PIWIL1: variants seen among roughly 807,000 people sequenced by gnomAD.
PIWIL1 encodes the protein piwi like RNA-mediated gene silencing 1.
PIWIL1 carries 73 observed loss-of-function variants against 114.4 expected under a neutral mutation model. The ratio of observed to expected loss-of-function variants is 0.64; its 90% CI spans 0.53 to 0.78. The LOEUF (loss-of-function observed/expected upper bound fraction) is 0.78, where lower values mean the gene tolerates loss of function less well. PIWIL1 is among the 30% of genes least tolerant of loss of function. The pLI is 0.00. For synonymous variants in PIWIL1, 375 were observed against 369.0 expected, an observed-to-expected ratio of 1.02 and a Z score of -0.19; for missense variants, 723 against 1,063.1, an observed-to-expected ratio of 0.68 and a Z score of 4.45.
At chr12:130,398,242 TC>T in the PIWIL1 span, 1 of 152,214 alleles carries the variant, frequency 6.6e-6, no homozygotes, top group African/African-American at 2.4e-5. Context: ...CAGGACGACT[TC>T]ACCTCGCTTC....
At chr12:130,360,341 C>A (rs7978717) in intron 14 of PIWIL1, among the ~76,000 whole-genome samples, 108,922 of 152,148 alleles carry the variant, frequency 0.72, 40,522 homozygotes, top group East Asian at 0.83. Context: ...CAATGAGTTA[C>A]AAGCTGGATT....
chr12:130,361,245 A>G lies in PIWIL1; in HGVS notation c.1731A>G (p.Thr577=). The part of the protein sequence containing the change: ...KYDAIKKYLC[T]DCPTPSQCVV... ...ATGCTATTAAAAAATACCTGTGTAC[A>G]GATTGCCCTACCCCAAGTCAGTGTG... is the stretch of plus-strand genomic sequence containing the variant. Residue 577 remains threonine (T), a synonymous_variant, in exon 15 of 21, where the codon ACA becomes ACG. Transcript: ENST00000245255. The G allele has an allele frequency of 6.2e-7, 1 of 1,614,236 alleles. No homozygotes were observed. Among genetic ancestry groups the G allele is most frequent in the South Asian group, 1.1e-5 (1 of 91,086 alleles).
chr12:130,412,977 C>G, the PIWIL1 span, among the ~76,000 whole-genome samples: 62 of 152,160 alleles, frequency 4.1e-4, no homozygotes, highest in Non-Finnish European at 1.2e-4. Context: ...CTCTATGACT[C>G]TGACTTAAGA....
chr12:130,361,606 G>GT lies in PIWIL1; in HGVS notation c.1970+6dup. 1 of 1,610,474 alleles carries GT rather than the reference G, an allele frequency of 6.2e-7. No individual in the cohort carries two copies. The highest frequency in any genetic ancestry group is 8.5e-7 in the Non-Finnish European group (1 of 1,176,662). On this transcript the variant is annotated splice_donor_region_variant and intron_variant, in intron 16 of 20. Coordinates refer to ENST00000245255, the MANE Select transcript of PIWIL1 (RefSeq NM_004764.5). ...CATCAATGAAGGGATGACCCGGTGA[G>GT]TGAGACTGGGCTACTGTGGGTGGCA...
the PIWIL1 span, chr12:130,398,238 G>A: frequency 3.3e-5 from 5 of 152,156 alleles, no homozygotes; most frequent in African/African-American, 9.7e-5. Flanking sequence ...GCTGCAGGAC[G>A]ACTTCACCTC....
downstream of PIWIL1, among the ~76,000 whole-genome samples, chr12:130,374,683 C>T (rs561959042): frequency 6.6e-6 from 1 of 152,330 alleles, no homozygotes; most frequent in South Asian, 2.1e-4. Flanking sequence ...AGCCTTCCCA[C>T]TCTCATGCCT....
At chr12:130,377,577 G>A (rs147241115), downstream of PIWIL1, among the ~76,000 whole-genome samples, 248 of 152,334 alleles carry the variant, frequency 1.6e-3, no homozygotes, top group African/African-American at 5.3e-3. Flanking sequence ...CTCAGCTTCC[G>A]GCTGTATCTG....
intron 13 of PIWIL1, 56 bp downstream of exon 13, chr12:130,357,161 G>A: frequency 7.2e-7 from 1 of 1,382,274 alleles, no homozygotes; most frequent in Non-Finnish European, 1.0e-6. Flanking sequence ...ATTTGGAGGG[G>A]TGGGAACTAT....
At chr12:130,376,358 C>T (rs2073866135), downstream of PIWIL1, among the ~76,000 whole-genome samples, 1 of 152,234 alleles carries the variant, frequency 6.6e-6, no homozygotes, top group Non-Finnish European at 1.5e-5. Context: ...TGACGTGTAG[C>T]CTCTGGAAAA....
intron 9 of PIWIL1, among the ~76,000 whole-genome samples, chr12:130,352,285 TAG>T (rs1169152904): frequency 1.3e-5 from 2 of 152,182 alleles, no homozygotes; most frequent in Non-Finnish European, 2.9e-5. Flanking sequence ...GGGTGTTTGG[TAG>T]AGAAGGTCAT....
the PIWIL1 span, among the ~76,000 whole-genome samples, chr12:130,378,752 CTTACATCT>C: frequency 6.6e-6 from 1 of 152,188 alleles, no homozygotes; most frequent in Non-Finnish European, 1.5e-5. Context: ...GTTGGCCGTT[CTTACATCT>C]TCTTTTATGA....
intron 18 of PIWIL1, among the ~76,000 whole-genome samples, chr12:130,365,521 T>C (rs544897737): frequency 6.6e-6 from 1 of 152,356 alleles, no homozygotes; most frequent in African/African-American, 2.4e-5. Context: ...GTTTGTCTAA[T>C]AGTTATCATT....
the PIWIL1 span, chr12:130,424,602 C>G: frequency 8.1e-7 from 1 of 1,231,958 alleles, no homozygotes; most frequent in South Asian, 4.1e-5. The surrounding 1 kb of genome is among the most constrained non-coding windows in gnomAD (Gnocchi z 9.8). Context: ...GGCCCCCGAG[C>G]CCCTGTGCTT....
chr12:130,397,255 C>T, the PIWIL1 span: 6 of 395,020 alleles, frequency 1.5e-5, no homozygotes, highest in East Asian at 3.6e-5. Flanking sequence ...CTACTGGTGT[C>T]AGGGGAGAAG....
chr12:130,413,632 CAAAAAAAAAAAAA>C, the PIWIL1 span, among the ~76,000 whole-genome samples: 1 of 73,362 alleles, frequency 1.4e-5, no homozygotes, highest in South Asian at 6.9e-4. Flanking sequence ...GACTCTGTCT[CAAAAAAAAAAAAA>C]AAAAAAAAAA....
the PIWIL1 span, among the ~76,000 whole-genome samples, chr12:130,386,472 T>C: frequency 0.013 from 823 of 61,010 alleles, 13 homozygotes; most frequent in African/African-American, 0.034. Flanking sequence ...CCATGCACAC[T>C]ACCCCTTCCT....
At chr12:130,408,223 C>T in the PIWIL1 span, among the ~76,000 whole-genome samples, 1 of 152,182 alleles carries the variant, frequency 6.6e-6, no homozygotes, top group African/African-American at 2.4e-5. Flanking sequence ...TGGGAAGGCC[C>T]CATAGACACA....
At chr12:130,373,453 C>T (rs1174448962), downstream of PIWIL1, among the ~76,000 whole-genome samples, 1 of 152,030 alleles carries the variant, frequency 6.6e-6, no homozygotes, top group Non-Finnish European at 1.5e-5. Context: ...GTCCAGAGAC[C>T]CCACTATATC....
Position 130,357,879 on chromosome 12 carries a change from C to T in PIWIL1, c.1665+326C>T, listed in dbSNP as rs184279631. Among the ~76,000 whole-genome samples, 32 of 152,218 alleles carry T rather than the reference C, an allele frequency of 2.1e-4. No individual in the cohort carries two copies. The East Asian group carries it at 5.6e-3, about 27-fold the overall frequency. ...ACAGAGGTAAAAATCAGCTGTTGTT[C>T]GGCACACGTAGACGTATGATTGCGT... On this transcript the variant is annotated intron_variant, in intron 14 of 20. Coordinates refer to ENST00000245255, the MANE Select transcript of PIWIL1 (RefSeq NM_004764.5).
Sources: gnomAD v4.1 joint callset for allele counts (sites outside exome capture counted in the v4.1 genomes callset) on GRCh38, gnomAD v4.1.1 for gene constraint, Gnocchi (gnomAD v3.1) non-coding constraint, MANE v1.5 for transcripts, NCBI Gene and HGNC (gene_info 2026-07-23, HGNC 2026-07-21) for gene names.